BCL2L14: variants seen among roughly 807,000 people sequenced by gnomAD.
BCL2L14 encodes BCL2 like 14, also known as apoptosis facilitator Bcl-2-like protein 14.
A neutral mutation model predicts 35.3 loss-of-function variants in BCL2L14; 27 were observed. The observed-to-expected ratio is 0.76, with a 90% CI of 0.56 to 1.05. BCL2L14 has a LOEUF of 1.05. Ranked by LOEUF, BCL2L14 falls within the 50% of genes least tolerant of loss-of-function variation. The pLI is 0.00. For missense variants in BCL2L14, 377 were observed against 382.6 expected, an observed-to-expected ratio of 0.99 and a Z score of 0.12; for synonymous variants, 139 against 145.9, an observed-to-expected ratio of 0.95 and a Z score of 0.34.
chr12:12,080,325 A>G lies in BCL2L14; in HGVS notation c.433+587A>G, dbSNP rs544452426. On this transcript the variant is annotated intron_variant, in intron 2 of 5. Coordinates refer to ENST00000308721, the MANE Select transcript of BCL2L14 (RefSeq NM_138723.2). ...TCCTAGTCCTCTGTACCAGACACCA[A>G]TATAAAAGAAGGAGGCTAGGCGCAG... 2.0e-5 allele frequency among the ~76,000 whole-genome samples: 3 copies of G among 150,590 alleles called. No individual in the cohort carries two copies. In the East Asian group the frequency reaches 5.9e-4, roughly 30 times the overall value.
At chr12:12,052,067 T>C (rs1948364971) in intron 2 of BCL2L14, among the ~76,000 whole-genome samples, 1 of 152,162 alleles carries the variant, frequency 6.6e-6, no homozygotes. Flanking sequence ...TTTTGAGGTT[T>C]TTTTCTTCTT....
intron 2 of BCL2L14, among the ~76,000 whole-genome samples, chr12:12,058,603 C>G (rs1948470169): frequency 6.6e-6 from 1 of 151,952 alleles, no homozygotes. Flanking sequence ...GACCCCCACT[C>G]CTGCCCGCCA....
chr12:12,067,138 C>T (rs905971910), upstream of BCL2L14, among the ~76,000 whole-genome samples: 10 of 152,088 alleles, frequency 6.6e-5, no homozygotes, highest in African/African-American at 2.2e-4. Context: ...GATCCCAGCT[C>T]ACTGCAACCT....
At chr12:12,078,911 C>T (rs758836624) in intron 1 of BCL2L14, among the ~76,000 whole-genome samples, 4 of 152,230 alleles carry the variant, frequency 2.6e-5, no homozygotes, top group African/African-American at 4.8e-5. Context: ...ATTCTTCTGC[C>T]GCAGCCTCCC....
chr12:12,059,565 C>G (rs1235020988), intron 2 of BCL2L14, among the ~76,000 whole-genome samples: 1 of 151,908 alleles, frequency 6.6e-6, no homozygotes, highest in Admixed American at 6.6e-5. Context: ...CCCCAACCTC[C>G]TATCTCTGTG....
chr12:12,082,882 A>C (rs371526760), intron 2 of BCL2L14, among the ~76,000 whole-genome samples: 1 of 152,306 alleles, frequency 6.6e-6, no homozygotes, highest in East Asian at 1.9e-4. Context: ...AGCGTGATCC[A>C]AGAGAGCCTC....
intron 2 of BCL2L14, among the ~76,000 whole-genome samples, chr12:12,063,178 C>G (rs1463564805): frequency 1.3e-5 from 2 of 149,394 alleles, no homozygotes; most frequent in African/African-American, 4.9e-5. Flanking sequence ...ATCATACATG[C>G]CCTGCTCTTG....
intron 2 of BCL2L14, among the ~76,000 whole-genome samples, chr12:12,054,369 T>A (rs1352081608): frequency 6.6e-6 from 1 of 151,898 alleles, no homozygotes; most frequent in Non-Finnish European, 1.5e-5. Flanking sequence ...CCAGGCGTGG[T>A]GGCAGGTGCC....
chr12:12,057,755 T>TAAAAAAAAAAAAAAAAA (rs370379966), intron 2 of BCL2L14, among the ~76,000 whole-genome samples: 32 of 120,254 alleles, frequency 2.7e-4, no homozygotes, highest in African/African-American at 5.2e-4. Context: ...AAAACTCCAT[T>TAAAAAAAAAAAAAAAAA]AAAAAAAAAA....
chr12:12,093,872 T>G (rs1311310787), intron 4 of BCL2L14, among the ~76,000 whole-genome samples: 4 of 150,560 alleles, frequency 2.7e-5, no homozygotes, highest in African/African-American at 4.9e-5. Context: ...TCCCAACACT[T>G]TGGGGAGGCT....
At chr12:12,098,180 G>A (rs1273679227) in intron 5 of BCL2L14, among the ~76,000 whole-genome samples, 1 of 152,154 alleles carries the variant, frequency 6.6e-6, no homozygotes, top group Non-Finnish European at 1.5e-5. Flanking sequence ...ACAATGGGAA[G>A]TAAGCCTCCT....
At chr12:12,052,640 G>C (rs762027392) in intron 2 of BCL2L14, among the ~76,000 whole-genome samples, 1 of 152,128 alleles carries the variant, frequency 6.6e-6, no homozygotes, top group Non-Finnish European at 1.5e-5. Context: ...CACCTAGATT[G>C]ATTCCATATC....
intron 2 of BCL2L14, among the ~76,000 whole-genome samples, chr12:12,084,551 C>T (rs748625049): frequency 2.6e-4 from 40 of 152,108 alleles, no homozygotes; most frequent in Non-Finnish European, 3.8e-4. Flanking sequence ...CTCTTCCTGG[C>T]GCCACGATGA....
At position 12,079,319 on chromosome 12, in the gene BCL2L14, G is replaced by C. The variant is rs763337059; in HGVS notation, c.14G>C (p.Ser5Thr). The change falls in exon 2 of 6, where the codon AGT becomes ACT. Residue 5 changes from serine (S) to threonine (T), a missense_variant. Ser to Thr is a moderately conservative substitution (Grantham distance 58, BLOSUM62 1). Coordinates refer to ENST00000308721, the MANE Select transcript of BCL2L14 (RefSeq NM_138723.2). ...TACAGGCCCAACATGTGTAGCACCA[G>C]TGGGTGTGACCTGGAAGAAATCCCC... MCSTSGCDLEEIPLD... is the reference protein window; with the variant it reads MCSTTGCDLEEIPLD... 2 of 1,613,790 alleles carry C rather than the reference G, an allele frequency of 1.2e-6. No homozygotes were observed. The highest frequency in any genetic ancestry group is 1.3e-5 in the African/African-American group (1 of 75,050).
At chr12:12,088,728 C>A (rs1324332296) in intron 3 of BCL2L14, among the ~76,000 whole-genome samples, 2 of 152,150 alleles carry the variant, frequency 1.3e-5, no homozygotes, top group Non-Finnish European at 2.9e-5. Flanking sequence ...GTTTGCACCT[C>A]CCTAAAGAAC....
At chr12:12,068,355 C>T (rs1236288497), upstream of BCL2L14, 1 of 392,198 alleles carries the variant, frequency 2.5e-6, no homozygotes, top group Non-Finnish European at 4.5e-6. Flanking sequence ...TGCTTATATG[C>T]TTTTGTGGTT....
intron 1 of BCL2L14, among the ~76,000 whole-genome samples, chr12:12,074,185 C>T (rs1197697081): frequency 1.3e-5 from 2 of 151,802 alleles, no homozygotes; most frequent in African/African-American, 4.8e-5. Flanking sequence ...CAAATGTGAC[C>T]AAATGTGTCC....
chr12:12,051,410 G>A (rs559490374), intron 1 of BCL2L14, among the ~76,000 whole-genome samples: 9 of 152,242 alleles, frequency 5.9e-5, no homozygotes, highest in Admixed American at 1.3e-4. Context: ...AGGGAATCCC[G>A]AGGGTTCCCC....
At chr12:12,062,577 G>A (rs1485455023) in intron 2 of BCL2L14, among the ~76,000 whole-genome samples, 1 of 151,132 alleles carries the variant, frequency 6.6e-6, no homozygotes, top group Non-Finnish European at 1.5e-5. Flanking sequence ...CATCAAGCTT[G>A]AGGATTTACC....
Sources: allele counts gnomAD v4.1 joint callset (sites outside exome capture counted in the v4.1 genomes callset), GRCh38; gene constraint gnomAD v4.1.1; transcripts MANE v1.5; gene names NCBI Gene and HGNC (gene_info 2026-07-23, HGNC 2026-07-21).